Variants in NEDD4 observed in about 807,000 individuals in gnomAD.
The protein encoded by NEDD4 is E3 ubiquitin-protein ligase NEDD4.
NEDD4 carries 99 observed loss-of-function variants against 144.9 expected under a neutral mutation model. The observed-to-expected ratio is 0.68, with a 90% confidence interval of 0.58 to 0.81. The LOEUF is 0.81. Among genes scored for constraint, NEDD4 ranks in the 30% least tolerant of loss-of-function variants. The probability of loss-of-function intolerance (pLI) is 0.00; values close to 1 mark genes in which losing one functional copy is unlikely to be tolerated. For missense variants in NEDD4, 985 were observed against 1,065.9 expected (o/e 0.92, Z 1.06); for synonymous variants, 318 against 350.6 (o/e 0.91, Z 1.04).
chr15:55,927,077 C>CAA (rs57940091), intron 4 of NEDD4, among the ~76,000 whole-genome samples: 175 of 69,550 alleles, frequency 2.5e-3, no homozygotes, highest in Non-Finnish European at 3.5e-3. Flanking sequence ...GACTACGTCT[C>CAA]AAAAAAAAAA....
In NEDD4 at chr15:55,961,758, C is replaced by T. The variant is rs560213461; in HGVS notation, c.119+4715G>A. Among the ~76,000 whole-genome samples the T allele has an allele frequency of 3.9e-5, 6 of 152,126 alleles. No individual in the cohort carries two copies. In the South Asian group the frequency reaches 6.2e-4, roughly 16 times the overall value. On this transcript the variant is annotated intron_variant, in intron 2 of 28. Transcript: ENST00000435532. ...TGCTGGGATTACAGATGTGAGCCAC[C>T]GCGCCTGGCCAGTTTGTGGTAATAT...
intron 4 of NEDD4, among the ~76,000 whole-genome samples, chr15:55,944,168 C>A (rs1436513477): frequency 6.6e-6 from 1 of 152,242 alleles, no homozygotes; most frequent in South Asian, 2.1e-4. Flanking sequence ...GAGGGCAAGC[C>A]GAAGCAGGAT....
At chr15:55,921,683 T>A (rs1355020614) in intron 5 of NEDD4, among the ~76,000 whole-genome samples, 2 of 152,202 alleles carry the variant, frequency 1.3e-5, no homozygotes, top group African/African-American at 4.8e-5. Flanking sequence ...GGTTAAAAGT[T>A]TTAAAAATTT....
chr15:55,951,966 T>A (rs1231723323), intron 2 of NEDD4, among the ~76,000 whole-genome samples: 2 of 151,664 alleles, frequency 1.3e-5, no homozygotes, highest in Non-Finnish European at 2.9e-5. Flanking sequence ...TTGTCTCAAG[T>A]TATCTCATGG....
intron 5 of NEDD4, among the ~76,000 whole-genome samples, chr15:55,923,838 T>TTA (rs371395399): frequency 0.068 from 10,179 of 150,436 alleles, 437 homozygotes; most frequent in Non-Finnish European, 0.1. Flanking sequence ...GACTTTTTTT[T>TTA]AAAAAAAAAG....
chr15:55,893,228 A>G (rs2035628322), intron 5 of NEDD4, among the ~76,000 whole-genome samples: 1 of 152,148 alleles, frequency 6.6e-6, no homozygotes. Context: ...ATCATTGTTA[A>G]TAACAACTGT....
At chr15:55,915,528 A>G (rs749409580) in intron 5 of NEDD4, 1 of 1,613,944 alleles carries the variant, frequency 6.2e-7, no homozygotes, top group Non-Finnish European at 8.5e-7. Flanking sequence ...TTCTCCATTG[A>G]TATTTATTTG....
At chr15:55,981,040 C>T (rs1389813890) in intron 1 of NEDD4, among the ~76,000 whole-genome samples, 3 of 149,634 alleles carry the variant, frequency 2.0e-5, no homozygotes, top group African/African-American at 7.3e-5. Context: ...CATATTTTTT[C>T]CTTTTTTTTT....
chr15:55,933,185 T>TA (rs1231902717), intron 4 of NEDD4, among the ~76,000 whole-genome samples: 2 of 152,094 alleles, frequency 1.3e-5, no homozygotes, highest in African/African-American at 4.8e-5. Context: ...ACTGGGTATA[T>TA]ACCCAAAGGA....
chr15:55,854,420 G>A (rs549884145), intron 12 of NEDD4, among the ~76,000 whole-genome samples: 1 of 152,222 alleles, frequency 6.6e-6, no homozygotes, highest in South Asian at 2.1e-4. Flanking sequence ...TAAATGTAGT[G>A]GATATATCTC....
intron 1 of NEDD4, among the ~76,000 whole-genome samples, chr15:55,967,315 A>G (rs67313474): frequency 0.13 from 20,426 of 152,220 alleles, 1,490 homozygotes; most frequent in East Asian, 0.32. Context: ...ATGATGGCAT[A>G]GAGGTTTTAT....
At chr15:55,850,892 T>A (rs146888635) in intron 13 of NEDD4, 150 bp from the exon 14 acceptor site, 2 of 602,904 alleles carry the variant, frequency 3.3e-6, no homozygotes, top group Non-Finnish European at 5.4e-6. Context: ...AATGTAGTTA[T>A]GGCATGTTAA....
intron 1 of NEDD4, among the ~76,000 whole-genome samples, chr15:55,973,372 C>T (rs767104239): frequency 2.6e-5 from 4 of 151,960 alleles, no homozygotes; most frequent in Non-Finnish European, 5.9e-5. Context: ...GGCCCTATCT[C>T]TTAAAAACAA....
At chr15:55,974,009 T>C (rs2037658565) in intron 1 of NEDD4, among the ~76,000 whole-genome samples, 1 of 151,766 alleles carries the variant, frequency 6.6e-6, no homozygotes, top group Admixed American at 6.6e-5. Context: ...TTTGAAAAGA[T>C]AAACAAAATA....
intron 2 of NEDD4, among the ~76,000 whole-genome samples, chr15:55,955,847 G>C (rs1208561116): frequency 7.2e-6 from 1 of 138,168 alleles, no homozygotes; most frequent in African/African-American, 2.7e-5. Flanking sequence ...GCAGGGTCTC[G>C]CTTTGTCACC....
intron 5 of NEDD4, among the ~76,000 whole-genome samples, chr15:55,914,613 C>G (rs914727707): frequency 6.6e-6 from 1 of 151,780 alleles, no homozygotes; most frequent in African/African-American, 2.4e-5. Context: ...AGTATTAACT[C>G]GTGGCTAAAG....
chr15:55,830,439 C>T, intron 28 of NEDD4, 75 bp downstream of exon 28: 1 of 1,293,898 alleles, frequency 7.7e-7, no homozygotes, highest in South Asian at 1.2e-5. Flanking sequence ...GGAGACTAGC[C>T]CTGCTGTGGC....
intron 4 of NEDD4, among the ~76,000 whole-genome samples, chr15:55,944,646 C>A (rs2037075157): frequency 6.6e-6 from 1 of 152,194 alleles, no homozygotes; most frequent in African/African-American, 2.4e-5. Flanking sequence ...GTTCTCCCAG[C>A]ATGGGATTTG....
Position 55,969,008 on chromosome 15 carries a change from G to GT in NEDD4, c.46-2463dup, listed in dbSNP as rs542066550. Among the ~76,000 whole-genome samples, 13 of 152,238 alleles carry GT rather than the reference G, an allele frequency of 8.5e-5. No homozygotes were observed. The South Asian group carries it at 2.5e-3, about 29-fold the overall frequency. ...GATCACAGTACCTAGTTTCAACATC[G>GT]TATCAAGGAAAGAGGCACTGAAGAG... On this transcript the variant is annotated intron_variant, in intron 1 of 28. Transcript: ENST00000435532.
Sources: allele counts gnomAD v4.1 joint callset (sites outside exome capture counted in the v4.1 genomes callset), GRCh38; gene constraint gnomAD v4.1.1; transcripts MANE v1.5; gene names NCBI Gene and HGNC (gene_info 2026-07-23, HGNC 2026-07-21).